The following SPRED2 variants were observed in gnomAD, a reference collection of about 807,000 sequenced individuals.
SPRED2 encodes sprouty-related, EVH1 domain-containing protein 2.
SPRED2 carries 47 observed loss-of-function variants against 43.0 expected under a neutral mutation model. The ratio of observed to expected loss-of-function variants is 1.09; its 90% confidence interval spans 0.87 to 1.40. The LOEUF (loss-of-function observed/expected upper bound fraction) is 1.40, where lower values mean the gene tolerates loss of function less well. Among genes scored for constraint, SPRED2 ranks in the 40% most tolerant of loss-of-function variants. SPRED2 has a pLI of 0.00. For missense variants in SPRED2, 561 were observed against 586.4 expected, an observed-to-expected ratio of 0.96 and a Z score of 0.45; for synonymous variants, 225 against 225.7, an observed-to-expected ratio of 1.00 and a Z score of 0.03.
At chr2:65,378,739 G>A (rs115807122) in intron 1 of SPRED2, among the ~76,000 whole-genome samples, 2,914 of 152,228 alleles carry the variant, frequency 0.019, 84 homozygotes, top group African/African-American at 0.066. Flanking sequence ...CTAACACATT[G>A]GTTCTCAAAT....
intron 1 of SPRED2, among the ~76,000 whole-genome samples, chr2:65,382,776 T>C (rs576953806): frequency 6.6e-6 from 1 of 152,238 alleles, no homozygotes; most frequent in East Asian, 1.9e-4. Context: ...ATCCAATGTG[T>C]ATTTTGCACT....
chr2:65,406,916 G>A (rs1676037319), intron 1 of SPRED2, among the ~76,000 whole-genome samples: 1 of 151,810 alleles, frequency 6.6e-6, no homozygotes. Flanking sequence ...CTGGACAGTG[G>A]AAAGTTTAGT....
At chr2:65,399,074 C>A (rs7568333) in intron 1 of SPRED2, among the ~76,000 whole-genome samples, 3 of 151,908 alleles carry the variant, frequency 2.0e-5, no homozygotes, top group Admixed American at 6.6e-5. Flanking sequence ...GTCAGGAGAT[C>A]GAGACCATCC....
intron 1 of SPRED2, among the ~76,000 whole-genome samples, chr2:65,351,508 G>C (rs1674509677): frequency 1.3e-5 from 2 of 152,194 alleles, no homozygotes; most frequent in African/African-American, 4.8e-5. Context: ...GATTAGCCAA[G>C]ATCCCAGCCT....
chr2:65,319,659 G>A (rs1295522192), intron 4 of SPRED2, among the ~76,000 whole-genome samples: 2 of 152,042 alleles, frequency 1.3e-5, no homozygotes, highest in Non-Finnish European at 2.9e-5. Context: ...TCCTCCCCAG[G>A]TTCCCTCCTC....
In SPRED2 at chr2:65,313,380, C is replaced by G; in HGVS notation, c.*121G>C. 1 of 1,498,268 alleles carries G rather than the reference C, an allele frequency of 6.7e-7. No homozygotes were observed. Among genetic ancestry groups the G allele is most frequent in the Non-Finnish European group, 8.8e-7 (1 of 1,132,096 alleles). The allele number at this position is 1,498,268 out of a possible 1,614,324, so 92.8% of individuals were successfully genotyped here. On this transcript the variant is annotated 3_prime_UTR_variant, in exon 6 of 6. Coordinates refer to ENST00000356388, the MANE Select transcript of SPRED2 (RefSeq NM_181784.3). ...AATGGTGCCTCGAGGTACCAGGGAG[C>G]TGGGAGGCCGCTTGCCCTCCTCGCT... is the stretch of plus-strand genomic sequence containing the variant.
intron 3 of SPRED2, among the ~76,000 whole-genome samples, chr2:65,333,169 G>A (rs1673863142): frequency 6.6e-6 from 1 of 151,386 alleles, no homozygotes; most frequent in African/African-American, 2.4e-5. Flanking sequence ...GGGAGGCTGA[G>A]GCATGAGAAT....
Position 65,400,821 on chromosome 2 carries a change from G to A in SPRED2, c.26+31141C>T, listed in dbSNP as rs182466581. On this transcript the variant is annotated intron_variant, in intron 1 of 5. Transcript: ENST00000356388. Reference sequence around the variant, plus strand: ...CCAGCTATCCCACCTTCAGCTTTGCGCCACCCACCCTGGAAGGCAGTTCAG... The same window carrying A: ...CCAGCTATCCCACCTTCAGCTTTGCACCACCCACCCTGGAAGGCAGTTCAG... Among the ~76,000 whole-genome samples the A allele has an allele frequency of 5.9e-5, 9 of 152,190 alleles. No individual in the cohort carries two copies. The East Asian group carries it at 7.7e-4, about 13-fold the overall frequency.
At chr2:65,412,137 G>T (rs149222213) in intron 1 of SPRED2, among the ~76,000 whole-genome samples, 8 of 136,646 alleles carry the variant, frequency 5.9e-5, no homozygotes, top group Non-Finnish European at 9.8e-5. Context: ...AAAAAAAAAA[G>T]AAAAGAAAGA....
intron 1 of SPRED2, among the ~76,000 whole-genome samples, chr2:65,353,956 GGCAGT>G (rs1367693550): frequency 6.6e-6 from 1 of 152,154 alleles, no homozygotes; most frequent in Non-Finnish European, 1.5e-5. Context: ...AAGGGTACAA[GGCAGT>G]GTGCCATGCA....
chr2:65,388,082 C>T (rs149678143), intron 1 of SPRED2, among the ~76,000 whole-genome samples: 1,819 of 152,322 alleles, frequency 0.012, 32 homozygotes, highest in African/African-American at 0.04. Flanking sequence ...AGCCACCACG[C>T]CCAGCGGAGA....
chr2:65,355,506 C>T (rs988154164), intron 1 of SPRED2, among the ~76,000 whole-genome samples: 1 of 152,080 alleles, frequency 6.6e-6, no homozygotes, highest in African/African-American at 2.4e-5. Context: ...CACCCAAGGT[C>T]AGGAGTTTGA....
In SPRED2 at chr2:65,343,450, A is replaced by C. The variant is rs1247292935; in HGVS notation, c.204+1269T>G. Reference sequence around the variant, plus strand: ...TTCTAAATTTTTTTAAACTATAAGAAGTGCTTGCAAAAGAAGGTTAAATTT... The same window carrying C: ...TTCTAAATTTTTTTAAACTATAAGACGTGCTTGCAAAAGAAGGTTAAATTT... On this transcript the variant is annotated intron_variant, in intron 2 of 5. Transcript: ENST00000356388. 2.0e-5 allele frequency among the ~76,000 whole-genome samples: 3 copies of C among 152,368 alleles called. No individual in the cohort carries two copies. In the East Asian group the frequency reaches 5.8e-4, roughly 29 times the overall value.
intron 1 of SPRED2, among the ~76,000 whole-genome samples, chr2:65,397,155 C>T (rs1012704977): frequency 6.6e-6 from 1 of 151,954 alleles, no homozygotes; most frequent in African/African-American, 2.4e-5. Flanking sequence ...AATGAAATAC[C>T]AAAGTAGAAA....
intron 1 of SPRED2, among the ~76,000 whole-genome samples, chr2:65,355,645 G>A (rs895587246): frequency 2.0e-5 from 3 of 152,112 alleles, no homozygotes; most frequent in Admixed American, 6.6e-5. Context: ...TTGAACCTAG[G>A]GGGCAGAGGT....
intron 5 of SPRED2, among the ~76,000 whole-genome samples, chr2:65,315,522 CTAG>C: frequency 6.6e-6 from 1 of 152,254 alleles, no homozygotes. Flanking sequence ...TCAGAGTTGC[CTAG>C]ATTTTTGAAA....
At position 65,312,800 on chromosome 2, in the gene SPRED2, T is replaced by A; in HGVS notation, c.*701A>T. 1 of 985,820 alleles carries A rather than the reference T, an allele frequency of 1.0e-6. No homozygotes were observed. The highest frequency in any genetic ancestry group is 1.2e-6 in the Non-Finnish European group (1 of 829,944). The allele number at this position is 985,820 out of a possible 1,614,324, so 61.1% of individuals were successfully genotyped here. ...GGCTCAATTCTCAGTCTATTACGGG[T>A]GAATGTTTTGCATCAGTGAATCATT... On this transcript the variant is annotated 3_prime_UTR_variant, in exon 6 of 6. Coordinates refer to ENST00000356388, the MANE Select transcript of SPRED2 (RefSeq NM_181784.3).
rs1483540753 is a variant in SPRED2, at chr2:65,363,000, GTTTTGTTTT to G, written c.27-18113_27-18105del. Among the ~76,000 whole-genome samples the G allele has an allele frequency of 4.3e-4, 29 of 66,952 alleles. 1 individual carries two copies. Among genetic ancestry groups the G allele is most frequent in the African/African-American group, 2.0e-3 (28 of 14,284 alleles). 43.9% of individuals were successfully genotyped at this position (66,952 alleles called of 152,430 possible). A position where few individuals can be genotyped will look rare whatever the true frequency, so the allele number is the denominator to read the frequency against. On this transcript the variant is annotated intron_variant, in intron 1 of 5. Coordinates refer to ENST00000356388, the MANE Select transcript of SPRED2 (RefSeq NM_181784.3). The stretch of plus-strand genomic sequence containing the variant: ...CACTTGCTTTCTCTATGGTCATCAT[GTTTTGTTTT>G]TTTTTTTTTTTTTTTTTTTTGAAAG...
intron 1 of SPRED2, among the ~76,000 whole-genome samples, chr2:65,423,761 C>T (rs1676491778): frequency 7.5e-6 from 1 of 132,470 alleles, no homozygotes; most frequent in African/African-American, 3.1e-5. Flanking sequence ...ACCAAGGCTA[C>T]CTCATTTATG....
Sources: gnomAD v4.1 joint callset for allele counts (sites outside exome capture counted in the v4.1 genomes callset) on GRCh38, gnomAD v4.1.1 for gene constraint, MANE v1.5 for transcripts, NCBI Gene and HGNC (gene_info 2026-07-23, HGNC 2026-07-21) for gene names.